SYTL5: variants seen among roughly 807,000 people sequenced by gnomAD.
SYTL5 encodes the protein synaptotagmin-like protein 5.
In SYTL5, 34 loss-of-function variants were observed where a neutral mutation model predicts 55.9. The ratio of observed to expected loss-of-function variants is 0.61; its 90% CI spans 0.46 to 0.81. The LOEUF is 0.81. Ranked by LOEUF, SYTL5 falls within the 30% of genes least tolerant of loss-of-function variation. The pLI is 0.00. For missense variants in SYTL5, 637 were observed against 546.7 expected, an observed-to-expected ratio of 1.17 and a Z score of -1.65; for synonymous variants, 221 against 188.7, an observed-to-expected ratio of 1.17 and a Z score of -1.40.
At chrX:37,960,120 C>G in the SYTL5 span, among the ~76,000 whole-genome samples, 2 of 111,442 alleles carry the variant, frequency 1.8e-5, no homozygotes, top group Non-Finnish European at 3.8e-5. Flanking sequence ...AACCATTCTA[C>G]CCTCCCAGAG....
At chrX:38,000,676 T>A in the SYTL5 span, among the ~76,000 whole-genome samples, 1 of 112,474 alleles carries the variant, frequency 8.9e-6, no homozygotes, top group African/African-American at 3.2e-5. Flanking sequence ...GCTTTCTGTA[T>A]CCCAGGGTTT....
At chrX:37,949,995 A>T in the SYTL5 span, among the ~76,000 whole-genome samples, 45 of 111,732 alleles carry the variant, frequency 4.0e-4, no homozygotes, top group East Asian at 0.012. Flanking sequence ...AAAAATTTTT[A>T]AATGTGAGTG....
the SYTL5 span, among the ~76,000 whole-genome samples, chrX:37,928,567 C>A: frequency 1.8e-5 from 2 of 111,628 alleles, no homozygotes; most frequent in African/African-American, 6.5e-5. Flanking sequence ...TTACCAACTC[C>A]TGCCTTACAC....
At chrX:37,960,432 A>G in the SYTL5 span, among the ~76,000 whole-genome samples, 42 of 112,166 alleles carry the variant, frequency 3.7e-4, no homozygotes, top group South Asian at 3.7e-4. Context: ...CTGCTTTCGT[A>G]TATGTTCCAC....
chrX:38,059,479 A>G (rs1935882160), intron 3 of SYTL5, among the ~76,000 whole-genome samples: 1 of 111,955 alleles, frequency 8.9e-6, no homozygotes, highest in African/African-American at 3.2e-5. Context: ...CAAGTCAAGG[A>G]TTGAACTAAT....
chrX:37,995,428 T>C, the SYTL5 span, among the ~76,000 whole-genome samples: 1 of 111,940 alleles, frequency 8.9e-6, no homozygotes. Flanking sequence ...CAGAAGCCTT[T>C]CTTGCCACAT....
chrX:38,004,623 C>T (rs1413053906), upstream of SYTL5, among the ~76,000 whole-genome samples: 4 of 111,427 alleles, frequency 3.6e-5, no homozygotes, highest in African/African-American at 1.3e-4. Flanking sequence ...TCGTTTGCAA[C>T]AACATGGATG....
chrX:37,997,750 T>C, the SYTL5 span, among the ~76,000 whole-genome samples: 5 of 112,157 alleles, frequency 4.5e-5, no homozygotes, highest in South Asian at 1.9e-3. Flanking sequence ...AAGGTCCACA[T>C]TGAGGCCCCG....
At chrX:38,025,785 T>A (rs961524392) in intron 1 of SYTL5, among the ~76,000 whole-genome samples, 2 of 112,306 alleles carry the variant, frequency 1.8e-5, no homozygotes, top group African/African-American at 6.5e-5. Context: ...ATTCTCCAGG[T>A]GAGGTATGAA....
At chrX:37,891,190 G>A in the SYTL5 span, among the ~76,000 whole-genome samples, 1 of 111,617 alleles carries the variant, frequency 9.0e-6, no homozygotes, top group Non-Finnish European at 1.9e-5. Flanking sequence ...ATGTTCATAG[G>A]AGCATTATTC....
chrX:38,115,256 G>A (rs1354383527), intron 13 of SYTL5, among the ~76,000 whole-genome samples: 1 of 102,870 alleles, frequency 9.7e-6, no homozygotes, highest in Non-Finnish European at 2.0e-5. Context: ...AGGCCGAGGC[G>A]GGCGGATCAC....
At chrX:38,067,199 T>C (rs1334549682) in intron 3 of SYTL5, among the ~76,000 whole-genome samples, 2 of 111,678 alleles carry the variant, frequency 1.8e-5, no homozygotes, top group Admixed American at 9.5e-5. Context: ...CAAGAGGTAA[T>C]GACTAACAAT....
intron 2 of SYTL5, 77 bp from the exon 3 acceptor site, chrX:38,054,136 G>A: frequency 1.4e-6 from 1 of 740,520 alleles, no homozygotes; most frequent in Non-Finnish European, 2.0e-6. Context: ...ATCTATTTTA[G>A]ACATTGTTTT....
At chrX:37,926,005 G>T in the SYTL5 span, among the ~76,000 whole-genome samples, 1 of 111,697 alleles carries the variant, frequency 9.0e-6, no homozygotes, top group Non-Finnish European at 1.9e-5. Context: ...TCCACTCGTT[G>T]ATTGATGGGC....
At chrX:38,117,434 C>T (rs941399577) in intron 13 of SYTL5, among the ~76,000 whole-genome samples, 1 of 111,935 alleles carries the variant, frequency 8.9e-6, no homozygotes, top group Non-Finnish European at 1.9e-5. Flanking sequence ...GATTCCTACA[C>T]ATATAACTTT....
At chrX:38,109,143 T>G (rs1937294981) in intron 12 of SYTL5, among the ~76,000 whole-genome samples, 1 of 112,341 alleles carries the variant, frequency 8.9e-6, no homozygotes. Flanking sequence ...TTTGACCAAA[T>G]GTAGGTATGT....
At chrX:37,932,007 A>C in the SYTL5 span, among the ~76,000 whole-genome samples, 1 of 111,826 alleles carries the variant, frequency 8.9e-6, no homozygotes, top group African/African-American at 3.3e-5. Flanking sequence ...GGATTTGCAA[A>C]CTGGTCTTAA....
chrX:38,072,192 C>A (rs1936284512), intron 4 of SYTL5, 30 bp downstream of exon 4: 2 of 1,051,010 alleles, frequency 1.9e-6, no homozygotes, highest in African/African-American at 1.8e-5. Context: ...GGTTTCACAA[C>A]TGTTTTCATC....
At chrX:38,070,693 A>G (rs1936236789) in intron 3 of SYTL5, among the ~76,000 whole-genome samples, 1 of 111,523 alleles carries the variant, frequency 9.0e-6, no homozygotes, top group Non-Finnish European at 1.9e-5. Context: ...CCTTTACCGT[A>G]GTTACATAGT....
Sources: gnomAD v4.1 joint callset for allele counts (sites outside exome capture counted in the v4.1 genomes callset) on GRCh38, gnomAD v4.1.1 for gene constraint, MANE v1.5 for transcripts, NCBI Gene and HGNC (gene_info 2026-07-23, HGNC 2026-07-21) for gene names.